Variants in SUMF1 observed in about 807,000 individuals in gnomAD.
SUMF1 encodes the protein formylglycine-generating enzyme.
A neutral mutation model predicts 47.6 loss-of-function variants in SUMF1; 48 were observed. The ratio of observed to expected loss-of-function variants is 1.01; its 90% confidence interval spans 0.80 to 1.28. The LOEUF (loss-of-function observed/expected upper bound fraction) is 1.28, where lower values mean the gene tolerates loss of function less well. Ranked by LOEUF, SUMF1 falls within the 50% of genes most tolerant of loss-of-function variation. The pLI, the probability that SUMF1 is intolerant of heterozygous loss-of-function variation, is 0.00. For missense variants in SUMF1, 571 were observed against 485.4 expected (o/e 1.18, Z -1.66); for synonymous variants, 230 against 192.1 (o/e 1.20, Z -1.63).
At chr3:4,315,662 C>A (rs539402114) in intron 8 of SUMF1, among the ~76,000 whole-genome samples, 1 of 152,166 alleles carries the variant, frequency 6.6e-6, no homozygotes, top group African/African-American at 2.4e-5. Flanking sequence ...AATGTTGACA[C>A]TTCTTTTGAG....
At position 4,063,837 on chromosome 3, in the gene SUMF1, T is replaced by C. The variant is rs535344561; in HGVS notation, c.1191+4732A>G. On this transcript the variant is annotated intron_variant and NMD_transcript_variant, in intron 9 of 12. Transcript: ENST00000448413. ...TATTAAATTATTATATGTTTCTTGG[T>C]CTTTATTTCAAAACAAATACAGTTT... 1.2e-3 allele frequency among the ~76,000 whole-genome samples: 190 copies of C among 152,304 alleles called. 1 individual carries two copies. Among genetic ancestry groups the C allele is most frequent in the South Asian group, 3.5e-3 (17 of 4,822 alleles).
At chr3:4,364,249 A>T in intron 8 of SUMF1, among the ~76,000 whole-genome samples, 1 of 119,716 alleles carries the variant, frequency 8.4e-6, no homozygotes, top group African/African-American at 2.7e-5. Flanking sequence ...CAAATGAGTT[A>T]GGGAGGATTC....
intron 7 of SUMF1, among the ~76,000 whole-genome samples, chr3:4,386,333 T>G (rs1700673156): frequency 6.6e-6 from 1 of 152,192 alleles, no homozygotes; most frequent in South Asian, 2.1e-4. Flanking sequence ...CACATTTTAT[T>G]AGATTTACAC....
chr3:4,342,181 C>T (rs1417375114), intron 8 of SUMF1, among the ~76,000 whole-genome samples: 1 of 152,202 alleles, frequency 6.6e-6, no homozygotes, highest in Non-Finnish European at 1.5e-5. Context: ...TTACTACATA[C>T]CAGCTATTTT....
intron 3 of SUMF1, among the ~76,000 whole-genome samples, chr3:4,431,243 C>T (rs187313840): frequency 5.9e-5 from 9 of 152,304 alleles, no homozygotes; most frequent in East Asian, 1.9e-4. Flanking sequence ...AGCCACAGAC[C>T]GGATTGAGAA....
intron 8 of SUMF1, among the ~76,000 whole-genome samples, chr3:4,129,019 T>C (rs905620079): frequency 1.3e-5 from 2 of 152,166 alleles, no homozygotes; most frequent in Admixed American, 1.3e-4. Flanking sequence ...CTTAGGCAGA[T>C]TGGGATGGTG....
intron 8 of SUMF1, among the ~76,000 whole-genome samples, chr3:4,314,702 T>A (rs1441315781): frequency 6.6e-6 from 1 of 152,192 alleles, no homozygotes; most frequent in Non-Finnish European, 1.5e-5. Context: ...ACGGGAGTTT[T>A]ATGATCCCGT....
intron 8 of SUMF1, among the ~76,000 whole-genome samples, chr3:4,238,637 T>G (rs1394023097): frequency 6.6e-6 from 1 of 152,206 alleles, no homozygotes; most frequent in African/African-American, 2.4e-5. Context: ...TTTTTTCTCA[T>G]AAATTTGTTT....
chr3:4,396,557 G>C (rs141950374), intron 7 of SUMF1, among the ~76,000 whole-genome samples: 1 of 152,116 alleles, frequency 6.6e-6, no homozygotes, highest in Non-Finnish European at 1.5e-5. Flanking sequence ...TGCTCCTCTA[G>C]AGACCTTATA....
chr3:4,121,634 C>T (rs886537099), intron 8 of SUMF1, among the ~76,000 whole-genome samples: 20 of 152,134 alleles, frequency 1.3e-4, no homozygotes, highest in Non-Finnish European at 1.8e-4. Flanking sequence ...CTAGCAATTT[C>T]ATTCCTAGGT....
chr3:4,336,217 T>C (rs1019097556), intron 8 of SUMF1, among the ~76,000 whole-genome samples: 1 of 151,940 alleles, frequency 6.6e-6, no homozygotes, highest in Non-Finnish European at 1.5e-5. Flanking sequence ...TTGTGAACTT[T>C]AGTATTTAAA....
chr3:4,310,505 G>A (rs1343684540), intron 8 of SUMF1, among the ~76,000 whole-genome samples: 2 of 152,036 alleles, frequency 1.3e-5, no homozygotes, highest in Non-Finnish European at 2.9e-5. Flanking sequence ...CCATCACGGG[G>A]AAAAAATTTA....
intron 8 of SUMF1, among the ~76,000 whole-genome samples, chr3:4,103,305 G>C (rs537866509): frequency 1.3e-5 from 2 of 152,092 alleles, no homozygotes; most frequent in South Asian, 4.2e-4. Context: ...TGGGTAGATA[G>C]AAATATATTT....
chr3:4,363,483 T>C (rs6762654), intron 8 of SUMF1, among the ~76,000 whole-genome samples: 91,934 of 150,030 alleles, frequency 0.61, 28,707 homozygotes, highest in East Asian at 0.76. Context: ...CTCTTTGAAG[T>C]AATTGTGAAT....
At chr3:4,164,652 C>T (rs539339897) in intron 8 of SUMF1, among the ~76,000 whole-genome samples, 15 of 152,288 alleles carry the variant, frequency 9.8e-5, no homozygotes, top group Admixed American at 2.0e-4. Context: ...ATGACTAAGG[C>T]TGCAGCCTTT....
intron 8 of SUMF1, among the ~76,000 whole-genome samples, chr3:4,213,970 A>C (rs560867590): frequency 6.6e-6 from 1 of 152,298 alleles, no homozygotes; most frequent in South Asian, 2.1e-4. Flanking sequence ...GGGAGACTTA[A>C]ACATCCCACT....
intron 8 of SUMF1, among the ~76,000 whole-genome samples, chr3:4,221,864 T>C (rs891801681): frequency 3.3e-5 from 5 of 152,242 alleles, no homozygotes; most frequent in Admixed American, 6.6e-5. Flanking sequence ...GTATATATAC[T>C]CAAATGTTAA....
At chr3:4,216,566 C>G (rs574488465) in intron 8 of SUMF1, among the ~76,000 whole-genome samples, 63 of 152,252 alleles carry the variant, frequency 4.1e-4, no homozygotes, top group African/African-American at 1.3e-3. Flanking sequence ...TAAAGAGCTT[C>G]TGCACAGCAA....
intron 3 of SUMF1, among the ~76,000 whole-genome samples, chr3:4,429,995 G>A (rs540735527): frequency 7.2e-5 from 11 of 152,112 alleles, no homozygotes; most frequent in Non-Finnish European, 1.0e-4. Flanking sequence ...CTTTAAAGGT[G>A]GGAAGGATCT....
Sources: gnomAD v4.1 joint callset for allele counts (sites outside exome capture counted in the v4.1 genomes callset) on GRCh38, gnomAD v4.1.1 for gene constraint, MANE v1.5 for transcripts, NCBI Gene and HGNC (gene_info 2026-07-23, HGNC 2026-07-21) for gene names.